Variants in MED13L observed in about 807,000 individuals in gnomAD.
MED13L encodes the protein mediator complex subunit 13L, also known as mediator of RNA polymerase II transcription subunit 13-like.
Under a neutral mutation model 220.9 loss-of-function variants are expected in MED13L, and 7 were observed. That is an observed-to-expected ratio of 0.03 (90% CI 0.02 to 0.06). MED13L has a LOEUF of 0.06. Ranked by LOEUF, MED13L falls within the 10% of genes least tolerant of loss-of-function variation. The pLI, the probability that MED13L is intolerant of heterozygous loss-of-function variation, is 1.00. For synonymous variants in MED13L, 1,011 were observed against 1,015.2 expected (o/e 1.00, Z 0.08); for missense variants, 1,965 against 2,760.5 (o/e 0.71, Z 6.46).
At chr12:116,265,604 C>A (rs528657653) in intron 1 of MED13L, among the ~76,000 whole-genome samples, 3 of 152,248 alleles carry the variant, frequency 2.0e-5, no homozygotes, top group African/African-American at 4.8e-5. Context: ...TAGCATTTTG[C>A]GTAATATAGC....
rs144717601 is a variant in MED13L at position 116,143,472 on chromosome 12, T to C, written c.311-31960A>G. Among the ~76,000 whole-genome samples, 35 of 152,328 alleles carry C rather than the reference T, an allele frequency of 2.3e-4. No homozygotes were observed. In the East Asian group the frequency reaches 5.4e-3, roughly 24 times the overall value. On this transcript the variant is annotated intron_variant, in intron 2 of 30. Coordinates refer to ENST00000281928, the MANE Select transcript of MED13L (RefSeq NM_015335.5). Reference sequence around the variant, plus strand: ...TAATGGGTGTGTCCTGAAGTTTCAATTGTAAGTCAACGATTTGGAATCCAG... The same window carrying C: ...TAATGGGTGTGTCCTGAAGTTTCAACTGTAAGTCAACGATTTGGAATCCAG...
At chr12:116,235,894 G>T (rs1870035105) in intron 2 of MED13L, among the ~76,000 whole-genome samples, 1 of 151,916 alleles carries the variant, frequency 6.6e-6, no homozygotes, top group African/African-American at 2.4e-5. Context: ...AGACCAAAAA[G>T]CTAAAACGTA....
chr12:115,994,011 T>A (rs1878242073), intron 16 of MED13L, among the ~76,000 whole-genome samples: 2 of 152,094 alleles, frequency 1.3e-5, no homozygotes. Context: ...TACTGTCCAA[T>A]AAGGTAGCCA....
At chr12:116,218,736 A>AT (rs781696931) in intron 2 of MED13L, among the ~76,000 whole-genome samples, 770 of 145,554 alleles carry the variant, frequency 5.3e-3, no homozygotes, top group Middle Eastern at 0.011. Context: ...AAGCAGTAAA[A>AT]TTTTTTTTTT....
intron 4 of MED13L, chr12:116,082,611 C>T (rs994129709): frequency 6.6e-6 from 1 of 151,848 alleles, no homozygotes; most frequent in African/African-American, 2.4e-5. Flanking sequence ...TGGAACCCTA[C>T]AGAAAAGATT....
chr12:116,245,281 G>A (rs1871001095), intron 1 of MED13L, among the ~76,000 whole-genome samples: 1 of 152,152 alleles, frequency 6.6e-6, no homozygotes. Context: ...TCTTCTCTGA[G>A]AAATCTTAGC....
chr12:116,220,675 G>A (rs1416671130), intron 2 of MED13L, among the ~76,000 whole-genome samples: 1 of 152,226 alleles, frequency 6.6e-6, no homozygotes, highest in Non-Finnish European at 1.5e-5. Context: ...CTCCAGCCTA[G>A]GCAACAGAGC....
chr12:116,067,095 C>G (rs1474663536), intron 4 of MED13L, among the ~76,000 whole-genome samples: 1 of 151,304 alleles, frequency 6.6e-6, no homozygotes, highest in Non-Finnish European at 1.5e-5. Flanking sequence ...GACACACAAT[C>G]AAAAATAATC....
chr12:116,210,550 C>CA (rs1161320463), intron 2 of MED13L, among the ~76,000 whole-genome samples: 1 of 60,386 alleles, frequency 1.7e-5, no homozygotes, highest in African/African-American at 8.1e-5. Context: ...CAGAACGTAA[C>CA]CTATATATAT....
chr12:116,274,853 G>A (rs1484434255), intron 1 of MED13L, among the ~76,000 whole-genome samples: 1 of 151,830 alleles, frequency 6.6e-6, no homozygotes, highest in Admixed American at 6.6e-5. Flanking sequence ...GGTTTAAAGA[G>A]GTTTAGGGGA....
intron 4 of MED13L, among the ~76,000 whole-genome samples, chr12:116,036,869 C>A (rs1881224417): frequency 6.6e-6 from 1 of 152,146 alleles, no homozygotes; most frequent in Admixed American, 6.5e-5. Flanking sequence ...ACTTTTACCT[C>A]CTTTTCAAAA....
intron 4 of MED13L, among the ~76,000 whole-genome samples, chr12:116,092,779 G>C (rs907911189): frequency 2.6e-5 from 4 of 152,082 alleles, no homozygotes; most frequent in African/African-American, 9.7e-5. Flanking sequence ...GTGGTGGGGG[G>C]GGTGTGTGCA....
chr12:116,095,731 A>G (rs922400620), intron 4 of MED13L, among the ~76,000 whole-genome samples: 1 of 152,218 alleles, frequency 6.6e-6, no homozygotes, highest in Non-Finnish European at 1.5e-5. Context: ...GCTCATCAAT[A>G]ATGAATATTC....
At chr12:116,169,515 A>G (rs909599022) in intron 2 of MED13L, among the ~76,000 whole-genome samples, 20 of 152,224 alleles carry the variant, frequency 1.3e-4, no homozygotes, top group African/African-American at 4.8e-4. Flanking sequence ...ATATTGTCAT[A>G]TCTACTTTTA....
At chr12:116,192,325 T>A (rs1040793009) in intron 2 of MED13L, among the ~76,000 whole-genome samples, 1 of 152,238 alleles carries the variant, frequency 6.6e-6, no homozygotes, top group Non-Finnish European at 1.5e-5. Flanking sequence ...GTTAGTTATA[T>A]TTGTTTTGAA....
chr12:116,111,597 A>C, intron 2 of MED13L, 85 bp from the exon 3 acceptor site: 1 of 1,021,788 alleles, frequency 9.8e-7, no homozygotes. Context: ...ATTTTTCTAA[A>C]GCAAAGTTCA....
At chr12:116,089,503 T>G (rs954304004) in intron 4 of MED13L, among the ~76,000 whole-genome samples, 8 of 152,322 alleles carry the variant, frequency 5.3e-5, no homozygotes, top group Admixed American at 5.2e-4. Flanking sequence ...CTTTTAGGAT[T>G]AGTAATAGAG....
chr12:115,974,959 T>C (rs554137907), intron 25 of MED13L, among the ~76,000 whole-genome samples: 1 of 152,354 alleles, frequency 6.6e-6, no homozygotes, highest in East Asian at 1.9e-4. Context: ...GTTTTATATA[T>C]TGGGGCTCAA....
chr12:116,107,881 G>A (rs1873716312), intron 3 of MED13L, among the ~76,000 whole-genome samples: 1 of 152,150 alleles, frequency 6.6e-6, no homozygotes, highest in Non-Finnish European at 1.5e-5. Context: ...CACGAGGTCA[G>A]GAGTTCGAGA....
Sources: allele counts gnomAD v4.1 joint callset (sites outside exome capture counted in the v4.1 genomes callset), GRCh38; gene constraint gnomAD v4.1.1; transcripts MANE v1.5; gene names NCBI Gene and HGNC (gene_info 2026-07-23, HGNC 2026-07-21).